The following NEK1 variants were observed in gnomAD, a reference collection of about 807,000 sequenced individuals.
NEK1 encodes the protein NIMA related kinase 1.
In NEK1, 137 loss-of-function variants were observed where a neutral mutation model predicts 182.1. The observed-to-expected ratio is 0.75, with a 90% CI of 0.65 to 0.87. The LOEUF is 0.87. Ranked by LOEUF, NEK1 falls within the 40% of genes least tolerant of loss-of-function variation. The pLI is 0.00. For synonymous variants in NEK1, 513 were observed against 492.2 expected (o/e 1.04, Z -0.56); for missense variants, 1,391 against 1,494.4 (o/e 0.93, Z 1.14).
At chr4:169,489,785 C>T (rs865913281) in intron 23 of NEK1, among the ~76,000 whole-genome samples, 1 of 152,122 alleles carries the variant, frequency 6.6e-6, no homozygotes, top group African/African-American at 2.4e-5. Context: ...CATGCCAGTG[C>T]TGTGCCCTGA....
intron 19 of NEK1, among the ~76,000 whole-genome samples, chr4:169,510,672 T>C (rs902874403): frequency 2.0e-5 from 3 of 152,188 alleles, no homozygotes; most frequent in Non-Finnish European, 4.4e-5. Flanking sequence ...ACTATTATCT[T>C]CAGACTTTAA....
At chr4:169,600,734 T>C (rs58681170) in intron 4 of NEK1, among the ~76,000 whole-genome samples, 14,741 of 152,228 alleles carry the variant, frequency 0.097, 795 homozygotes, top group East Asian at 0.17. Context: ...TTTATATGTA[T>C]ATAGATGTTA....
Position 169,424,656 on chromosome 4 carries a change from G to C in NEK1, c.3119C>G (p.Ser1040Cys). ...ATGCGAGTGAGATCGAAATGCAAAG[G>C]ATTCTTCTGGTGAACACTGAACTGA... ...VQSVQCSPEE[S>C]FAFRSHSHLP... is the part of the protein sequence containing the mutation. The change falls in exon 31 of 36, where the codon TCC (serine) becomes TGC (cysteine). Residue 1040 changes from serine (S) to cysteine (C), a missense_variant. By Grantham distance (112) the Ser-to-Cys change is moderately radical. Transcript: ENST00000507142. The C allele has an allele frequency of 6.2e-7, 1 of 1,613,746 alleles. No individual in the cohort carries two copies. Among genetic ancestry groups the C allele is most frequent in the Non-Finnish European group, 8.5e-7 (1 of 1,179,726 alleles).
At position 169,463,360 on chromosome 4, in the gene NEK1, T is replaced by A; in HGVS notation, c.2470A>T (p.Asn824Tyr). The A allele has an allele frequency of 6.2e-7, 1 of 1,608,934 alleles. No homozygotes were observed. Among genetic ancestry groups the A allele is most frequent in the Non-Finnish European group, 8.5e-7 (1 of 1,176,814 alleles). ...CCCCAGGCTCTTCTTGGAGATCCAT[T>A]AGGACCTAATTTAATAACTTCTCCC... ...TVGEVIKLGP[N>Y]GSPRRAWGKS... Residue 824 changes from asparagine to tyrosine, a missense_variant, in exon 27 of 36, where the codon AAT becomes TAT. By Grantham distance (143) the Asn-to-Tyr change is moderately radical. Coordinates refer to ENST00000507142, the MANE Select transcript of NEK1 (RefSeq NM_001199397.3).
intron 5 of NEK1, among the ~76,000 whole-genome samples, chr4:169,593,855 G>C (rs994612593): frequency 1.3e-5 from 2 of 152,142 alleles, no homozygotes; most frequent in Non-Finnish European, 2.9e-5. Context: ...CAGGCGTGAT[G>C]GCGGGCGCCT....
rs186603300 is a variant in NEK1, at chr4:169,484,864, G to A, written c.2008-5330C>T. On this transcript the variant is annotated intron_variant, in intron 23 of 35. Coordinates refer to ENST00000507142, the MANE Select transcript of NEK1 (RefSeq NM_001199397.3). ...TGTACTCTTTGCCTCTCTGCTATAG[G>A]GATTGCATGAGATAATTTACGTAAA... Among the ~76,000 whole-genome samples the A allele has an allele frequency of 5.3e-5, 8 of 152,174 alleles. No individual in the cohort carries two copies. The East Asian group carries it at 1.5e-3, about 29-fold the overall frequency.
intron 35 of NEK1, among the ~76,000 whole-genome samples, chr4:169,399,019 G>A (rs1731181407): frequency 6.6e-6 from 1 of 151,988 alleles, no homozygotes; most frequent in Non-Finnish European, 1.5e-5. Context: ...AGGCCAAGGA[G>A]GGGTGAATCA....
chr4:169,515,514 T>TA (rs1755050044), intron 19 of NEK1, among the ~76,000 whole-genome samples: 1 of 145,818 alleles, frequency 6.9e-6, no homozygotes, highest in East Asian at 1.9e-4. Context: ...TTTTTTTTTT[T>TA]ATTATACTCT....
Position 169,569,571 on chromosome 4 carries a change from A to C in NEK1, c.1020+7357T>G, listed in dbSNP as rs145025151. ...AAGCTGGACTGTACTGCTGCCATCT[A>C]GGCTCACTGCAACCTCCCTGCCTGA... On this transcript the variant is annotated intron_variant, in intron 12 of 35. Transcript: ENST00000507142. 2.7e-5 allele frequency among the ~76,000 whole-genome samples: 4 copies of C among 150,904 alleles called. No individual in the cohort carries two copies. In the East Asian group the frequency reaches 5.9e-4, roughly 22 times the overall value.
At chr4:169,609,165 C>T (rs181142283) in intron 2 of NEK1, among the ~76,000 whole-genome samples, 4 of 151,464 alleles carry the variant, frequency 2.6e-5, no homozygotes, top group South Asian at 4.2e-4. Context: ...GCACAAGAGA[C>T]GGCATGTTTC....
At chr4:169,551,509 C>G (rs1272729693) in intron 18 of NEK1, among the ~76,000 whole-genome samples, 1 of 152,070 alleles carries the variant, frequency 6.6e-6, no homozygotes, top group Non-Finnish European at 1.5e-5. Context: ...CACATTCAGG[C>G]ACTGGAATCT....
At chr4:169,412,537 C>T (rs982628302) in intron 31 of NEK1, among the ~76,000 whole-genome samples, 1 of 152,186 alleles carries the variant, frequency 6.6e-6, no homozygotes, top group Non-Finnish European at 1.5e-5. Flanking sequence ...TACTATTGGA[C>T]TTCTTTGGCC....
At chr4:169,483,867 A>AAG (rs1374433191) in intron 23 of NEK1, among the ~76,000 whole-genome samples, 2 of 125,388 alleles carry the variant, frequency 1.6e-5, no homozygotes, top group Non-Finnish European at 3.4e-5. Flanking sequence ...CTCTGTCTCA[A>AAG]AAAAAAAAAA....
chr4:169,488,687 A>T (rs1001879862), intron 23 of NEK1, among the ~76,000 whole-genome samples: 1 of 152,186 alleles, frequency 6.6e-6, no homozygotes, highest in Admixed American at 6.5e-5. Flanking sequence ...CAAACTTTAC[A>T]TTAATATTTT....
At chr4:169,495,861 G>A (rs1751151806) in intron 23 of NEK1, among the ~76,000 whole-genome samples, 1 of 152,074 alleles carries the variant, frequency 6.6e-6, no homozygotes, top group Non-Finnish European at 1.5e-5. Flanking sequence ...TGTTCTTTTG[G>A]CTTAGGATTG....
intron 26 of NEK1, among the ~76,000 whole-genome samples, chr4:169,476,711 A>G (rs531372624): frequency 1.3e-5 from 2 of 152,268 alleles, no homozygotes; most frequent in South Asian, 4.1e-4. Context: ...ATCACCGAAT[A>G]TATAAATCAT....
chr4:169,485,730 T>G (rs1042975399), intron 23 of NEK1, among the ~76,000 whole-genome samples: 14 of 152,230 alleles, frequency 9.2e-5, no homozygotes, highest in Admixed American at 2.0e-4. Flanking sequence ...TAAACATACT[T>G]TTTCACTGGG....
At chr4:169,479,345 T>G in intron 24 of NEK1, 58 bp downstream of exon 24, 1 of 1,528,260 alleles carries the variant, frequency 6.5e-7, no homozygotes, top group Non-Finnish European at 8.9e-7. Flanking sequence ...TCATTAAATT[T>G]AATTTCCTTT....
At chr4:169,552,805 G>A (rs765014820) in intron 18 of NEK1, among the ~76,000 whole-genome samples, 65 of 152,034 alleles carry the variant, frequency 4.3e-4, no homozygotes, top group Non-Finnish European at 1.0e-4. Flanking sequence ...GGAACAAGTA[G>A]AATTTGAAAT....
Sources: gnomAD v4.1 joint callset for allele counts (sites outside exome capture counted in the v4.1 genomes callset) on GRCh38, gnomAD v4.1.1 for gene constraint, MANE v1.5 for transcripts, NCBI Gene and HGNC (gene_info 2026-07-23, HGNC 2026-07-21) for gene names.